SPAG17: variants seen among roughly 807,000 people sequenced by gnomAD.
SPAG17 encodes sperm-associated antigen 17.
SPAG17 carries 169 observed loss-of-function variants against 273.6 expected under a neutral mutation model. The observed-to-expected ratio is 0.62, with a 90% CI of 0.55 to 0.70. The LOEUF is 0.70. Among genes scored for constraint, SPAG17 ranks in the 30% least tolerant of loss-of-function variants. SPAG17 has a pLI of 0.00. For synonymous variants in SPAG17, 825 were observed against 873.2 expected, an observed-to-expected ratio of 0.94 and a Z score of 0.97; for missense variants, 2,557 against 2,627.8, an observed-to-expected ratio of 0.97 and a Z score of 0.59.
At position 118,005,615 on chromosome 1, in the gene SPAG17, C is replaced by A; in HGVS notation, c.4588-13G>T. On this transcript the variant is annotated splice_polypyrimidine_tract_variant and intron_variant, in intron 31 of 48. Coordinates refer to ENST00000336338, the MANE Select transcript of SPAG17 (RefSeq NM_206996.4). ...TTGGAGGTAACACCTGAAAGAGTAA[C>A]AGAAAGACAGAAATTATTAAAATTT... 1 of 1,402,968 alleles carries A rather than the reference C, an allele frequency of 7.1e-7. No homozygotes were observed. Among genetic ancestry groups the A allele is most frequent in the Non-Finnish European group, 9.3e-7 (1 of 1,071,862 alleles). The allele number at this position is 1,402,968 out of a possible 1,614,324, so 86.9% of individuals were successfully genotyped here.
intron 18 of SPAG17, among the ~76,000 whole-genome samples, chr1:118,063,315 C>T (rs185528619): frequency 7.2e-4 from 110 of 152,254 alleles, no homozygotes; most frequent in Admixed American, 1.5e-3. Flanking sequence ...GGAGACATCA[C>T]GCTACCTGAC....
At chr1:117,959,462 A>G (rs533092612) in intron 48 of SPAG17, 1 of 1,574,412 alleles carries the variant, frequency 6.4e-7, no homozygotes, top group East Asian at 2.3e-5. Flanking sequence ...GAAATGTGGT[A>G]TCTTTTTTTT....
intron 1 of SPAG17, among the ~76,000 whole-genome samples, chr1:118,184,702 G>A (rs1661101891): frequency 6.6e-6 from 1 of 152,138 alleles, no homozygotes; most frequent in Admixed American, 6.5e-5. Context: ...GATTTGATGC[G>A]ATTCTCATCC....
chr1:118,174,690 GAC>G, intron 1 of SPAG17, among the ~76,000 whole-genome samples: 1 of 152,062 alleles, frequency 6.6e-6, no homozygotes, highest in Non-Finnish European at 1.5e-5. Flanking sequence ...AAAAGCTAAA[GAC>G]AGACAGAATT....
chr1:117,958,890 G>T, intron 48 of SPAG17: 1 of 1,607,892 alleles, frequency 6.2e-7, no homozygotes. Context: ...CAACATGGCT[G>T]TGTTTTGTTT....
chr1:118,120,577 G>T (rs1208593171), intron 3 of SPAG17, among the ~76,000 whole-genome samples: 1 of 152,172 alleles, frequency 6.6e-6, no homozygotes, highest in Non-Finnish European at 1.5e-5. Flanking sequence ...GGCGTACTCA[G>T]ATTTATACAG....
chr1:117,988,265 G>A, intron 38 of SPAG17, 61 bp from the exon 39 acceptor site: 4 of 1,211,106 alleles, frequency 3.3e-6, no homozygotes, highest in Non-Finnish European at 4.6e-6. Context: ...CACACAATCA[G>A]TACACAATTA....
At chr1:117,982,864 T>C (rs1189986725) in intron 42 of SPAG17, among the ~76,000 whole-genome samples, 4 of 152,218 alleles carry the variant, frequency 2.6e-5, no homozygotes, top group Non-Finnish European at 4.4e-5. Flanking sequence ...CCCATCTTTT[T>C]TGTTTTAATG....
chr1:118,124,556 T>C (rs187494822), intron 3 of SPAG17, among the ~76,000 whole-genome samples: 7 of 152,336 alleles, frequency 4.6e-5, no homozygotes, highest in Admixed American at 3.9e-4. Flanking sequence ...TTTTTGATTG[T>C]TTATAGCTGC....
chr1:118,014,205 G>A (rs1022647686), intron 29 of SPAG17, among the ~76,000 whole-genome samples: 6 of 152,122 alleles, frequency 3.9e-5, no homozygotes, highest in African/African-American at 1.4e-4. Context: ...AATTGAGTGA[G>A]TTAGTATATG....
intron 20 of SPAG17, among the ~76,000 whole-genome samples, chr1:118,045,372 G>A (rs1329710107): frequency 2.6e-5 from 4 of 152,140 alleles, no homozygotes; most frequent in African/African-American, 4.8e-5. Context: ...CCCACATAAC[G>A]AAACCTCCGT....
At chr1:117,970,447 C>T (rs1352265003) in intron 45 of SPAG17, among the ~76,000 whole-genome samples, 3 of 152,172 alleles carry the variant, frequency 2.0e-5, no homozygotes, top group Non-Finnish European at 4.4e-5. Flanking sequence ...AGCATGAACG[C>T]AAATGCTGGC....
intron 3 of SPAG17, among the ~76,000 whole-genome samples, chr1:118,148,414 C>T (rs12057189): frequency 0.097 from 14,722 of 152,188 alleles, 1,984 homozygotes; most frequent in African/African-American, 0.3. Flanking sequence ...AAGGTGCTAG[C>T]TCAGGTGGCC....
intron 3 of SPAG17, among the ~76,000 whole-genome samples, chr1:118,147,215 C>A (rs1351977559): frequency 6.6e-6 from 1 of 152,084 alleles, no homozygotes; most frequent in African/African-American, 2.4e-5. Context: ...TATTAATATT[C>A]CTTCCTCTCT....
intron 17 of SPAG17, among the ~76,000 whole-genome samples, chr1:118,073,447 T>C (rs1433749980): frequency 6.6e-6 from 1 of 152,238 alleles, no homozygotes; most frequent in African/African-American, 2.4e-5. Flanking sequence ...CAGATTCCAT[T>C]GAACTGTTAA....
intron 17 of SPAG17, among the ~76,000 whole-genome samples, chr1:118,072,413 G>A (rs1653687674): frequency 6.6e-6 from 1 of 152,188 alleles, no homozygotes; most frequent in African/African-American, 2.4e-5. Flanking sequence ...AATGGGTGTG[G>A]CCCGGATGAC....
chr1:118,012,621 C>A (rs1178615003), intron 29 of SPAG17, among the ~76,000 whole-genome samples: 4 of 152,162 alleles, frequency 2.6e-5, no homozygotes, highest in Admixed American at 2.6e-4. Context: ...AAGTAAGTAT[C>A]AGGGCATATT....
chr1:118,126,770 T>G (rs1015196611), intron 3 of SPAG17, among the ~76,000 whole-genome samples: 1 of 152,250 alleles, frequency 6.6e-6, no homozygotes, highest in African/African-American at 2.4e-5. Flanking sequence ...CTTATATCAA[T>G]GTCCTAAAGT....
rs771898732 is a variant in SPAG17 at position 118,041,978 on chromosome 1, T to G, written c.2879A>C (p.Glu960Ala). 6.8e-6 allele frequency: 11 copies of G among 1,613,934 alleles called. No homozygotes were observed. Among genetic ancestry groups the G allele is most frequent in the Non-Finnish European group, 8.5e-6 (10 of 1,179,964 alleles). ...EERLREEKKA[E>A]KKGKEAGKKK... ...TTTACCAGCTTCTTTACCCTTCTTCTCTGCTTTCTTTTCTTCCCTTAAGCG... is the reference window on the plus strand; with the variant it reads ...TTTACCAGCTTCTTTACCCTTCTTCGCTGCTTTCTTTTCTTCCCTTAAGCG... The change falls in exon 21 of 49, where the codon GAG (glutamate) becomes GCG (alanine). Residue 960 changes from glutamate (E) to alanine (A), a missense_variant. Physicochemically the swap from Glu to Ala is moderately radical, Grantham distance 107. Coordinates refer to ENST00000336338, the MANE Select transcript of SPAG17 (RefSeq NM_206996.4).
Sources: allele counts gnomAD v4.1 joint callset (sites outside exome capture counted in the v4.1 genomes callset), GRCh38; gene constraint gnomAD v4.1.1; transcripts MANE v1.5; gene names NCBI Gene and HGNC (gene_info 2026-07-23, HGNC 2026-07-21).